Variants in BAALC observed in about 807,000 individuals in gnomAD.
The protein encoded by BAALC is brain and acute leukemia cytoplasmic protein.
In BAALC, 9 loss-of-function variants were observed where a neutral mutation model predicts 15.5. That is an observed-to-expected ratio of 0.58 (90% CI 0.35 to 1.02). The LOEUF is 1.02. BAALC is among the 50% of genes least tolerant of loss of function. The probability of loss-of-function intolerance (pLI) is 0.02; values close to 1 mark genes in which losing one functional copy is unlikely to be tolerated. For synonymous variants in BAALC, 80 were observed against 74.6 expected (o/e 1.07, Z -0.37); for missense variants, 201 against 192.4 (o/e 1.04, Z -0.27).
intron 1 of BAALC, among the ~76,000 whole-genome samples, chr8:103,145,633 T>C (rs1158380449): frequency 6.6e-6 from 1 of 152,250 alleles, no homozygotes; most frequent in Non-Finnish European, 1.5e-5. Context: ...GTTGTTGCCA[T>C]ATTACCTTGA....
chr8:103,165,873 G>A (rs181473496), intron 1 of BAALC: 1 of 152,276 alleles, frequency 6.6e-6, no homozygotes, highest in East Asian at 1.9e-4. Flanking sequence ...AGAGTGTTGA[G>A]GTGCACACTG....
chr8:103,152,106 CAT>C (rs1281275127), intron 1 of BAALC, among the ~76,000 whole-genome samples: 2 of 152,126 alleles, frequency 1.3e-5, no homozygotes, highest in African/African-American at 4.8e-5. Flanking sequence ...CTTTTAAAAA[CAT>C]ATGTCAGGTC....
intron 1 of BAALC, among the ~76,000 whole-genome samples, chr8:103,186,734 T>A (rs1811846135): frequency 6.6e-6 from 1 of 152,212 alleles, no homozygotes; most frequent in Admixed American, 6.5e-5. Context: ...GCACTGAGTT[T>A]AAACAGTGCT....
intron 1 of BAALC, 46 bp from the exon 2 acceptor site, chr8:103,212,873 T>G (rs1812478898): frequency 6.4e-7 from 1 of 1,552,490 alleles, no homozygotes; most frequent in South Asian, 1.2e-5. Flanking sequence ...TTGCAACATC[T>G]GCCATGTGCA....
intron 1 of BAALC, among the ~76,000 whole-genome samples, chr8:103,142,639 G>T (rs1401486969): frequency 1.3e-5 from 2 of 152,164 alleles, no homozygotes; most frequent in Non-Finnish European, 2.9e-5. Context: ...CCAAAACCCC[G>T]TAAGTACAGC....
intron 1 of BAALC, among the ~76,000 whole-genome samples, chr8:103,176,622 G>A (rs957109286): frequency 6.6e-6 from 1 of 152,108 alleles, no homozygotes; most frequent in Non-Finnish European, 1.5e-5. Context: ...TGTACCATGC[G>A]CCAGGGGAAT....
chr8:103,202,432 C>T (rs1205238093), intron 1 of BAALC, among the ~76,000 whole-genome samples: 2 of 152,178 alleles, frequency 1.3e-5, no homozygotes, highest in Non-Finnish European at 2.9e-5. Flanking sequence ...AGAAACCAAC[C>T]TGTTGACACC....
At chr8:103,157,315 CTA>C (rs140079991) in intron 1 of BAALC, among the ~76,000 whole-genome samples, 7 of 150,190 alleles carry the variant, frequency 4.7e-5, no homozygotes, top group East Asian at 1.9e-4. Flanking sequence ...ATATTTCAAG[CTA>C]TATATATATA....
intron 1 of BAALC, among the ~76,000 whole-genome samples, chr8:103,157,794 A>G (rs1239052265): frequency 6.6e-6 from 1 of 152,218 alleles, no homozygotes; most frequent in Non-Finnish European, 1.5e-5. Context: ...GCAACAGAGC[A>G]AGACCCTGTT....
At chr8:103,216,297 A>C (rs768887426) in intron 2 of BAALC, among the ~76,000 whole-genome samples, 4 of 152,208 alleles carry the variant, frequency 2.6e-5, no homozygotes, top group Non-Finnish European at 5.9e-5. Context: ...TTGTTGGGTC[A>C]CAGGACAGGG....
chr8:103,150,302 G>C (rs1000155386), intron 1 of BAALC, among the ~76,000 whole-genome samples: 1 of 152,010 alleles, frequency 6.6e-6, no homozygotes, highest in Non-Finnish European at 1.5e-5. Context: ...TGGGGACACA[G>C]CCAAACCATA....
chr8:103,198,450 C>T (rs1238188500), intron 1 of BAALC, among the ~76,000 whole-genome samples: 1 of 152,056 alleles, frequency 6.6e-6, no homozygotes, highest in Non-Finnish European at 1.5e-5. Context: ...AGATAATGCC[C>T]TTTTGATCAT....
intron 1 of BAALC, among the ~76,000 whole-genome samples, chr8:103,164,013 C>T (rs571194237): frequency 1.3e-5 from 2 of 152,274 alleles, no homozygotes; most frequent in South Asian, 4.2e-4. Flanking sequence ...CAATTTCAGA[C>T]ATTGGTAAGC....
intron 1 of BAALC, 159 bp downstream of exon 1, chr8:103,141,216 T>C (rs1810767895): frequency 1.2e-6 from 1 of 829,020 alleles, no homozygotes; most frequent in African/African-American, 1.8e-5. Context: ...AGTGGACAGA[T>C]GCAAGCCCAG....
At chr8:103,146,898 C>T (rs1003986741) in intron 1 of BAALC, among the ~76,000 whole-genome samples, 1 of 152,210 alleles carries the variant, frequency 6.6e-6, no homozygotes, top group Non-Finnish European at 1.5e-5. Context: ...CATGTTGTGC[C>T]ATTGGCTCTC....
intron 1 of BAALC, among the ~76,000 whole-genome samples, chr8:103,159,179 C>G (rs1451618266): frequency 6.6e-6 from 1 of 152,118 alleles, no homozygotes; most frequent in Admixed American, 6.5e-5. Flanking sequence ...TTCTTTCCAT[C>G]GTGTGGTTCT....
intron 1 of BAALC, among the ~76,000 whole-genome samples, chr8:103,171,450 T>G (rs868787452): frequency 6.7e-6 from 1 of 149,490 alleles, no homozygotes; most frequent in African/African-American, 2.5e-5. Flanking sequence ...AGAAAGAAAG[T>G]AAGAAAGAAA....
chr8:103,215,835 A>G (rs550451941), intron 2 of BAALC, among the ~76,000 whole-genome samples: 2 of 152,352 alleles, frequency 1.3e-5, no homozygotes, highest in South Asian at 4.1e-4. Flanking sequence ...ACCACATACC[A>G]CATACATACA....
intron 1 of BAALC, among the ~76,000 whole-genome samples, chr8:103,182,282 T>C (rs1286660491): frequency 6.6e-6 from 1 of 152,214 alleles, no homozygotes; most frequent in Admixed American, 6.5e-5. Context: ...GGCTTTGGGC[T>C]TTTGAACATT....
Sources: allele counts gnomAD v4.1 joint callset (sites outside exome capture counted in the v4.1 genomes callset), GRCh38; gene constraint gnomAD v4.1.1; transcripts MANE v1.5; gene names NCBI Gene and HGNC (gene_info 2026-07-23, HGNC 2026-07-21).